PCDHA13: variants seen among roughly 807,000 people sequenced by gnomAD.
PCDHA13 encodes protocadherin alpha-13.
PCDHA13 carries 54 observed loss-of-function variants against 64.8 expected under a neutral mutation model. The observed-to-expected ratio is 0.83, with a 90% confidence interval of 0.67 to 1.04. The LOEUF is 1.04. PCDHA13 is among the 50% of genes least tolerant of loss of function. The pLI, the probability that PCDHA13 is intolerant of heterozygous loss-of-function variation, is 0.00. For synonymous variants in PCDHA13, 587 were observed against 564.4 expected, an observed-to-expected ratio of 1.04 and a Z score of -0.57; for missense variants, 1,248 against 1,254.3, an observed-to-expected ratio of 0.99 and a Z score of 0.08.
chr5:140,997,668 TTG>T (rs35184029), intron 3 of PCDHA13, among the ~76,000 whole-genome samples: 38,693 of 147,760 alleles, frequency 0.26, 5,114 homozygotes, highest in Middle Eastern at 0.39. Flanking sequence ...ATTATACAGC[TTG>T]TGTGTGTGTG....
intron 1 of PCDHA13, chr5:140,930,305 T>C (rs1554207723): frequency 6.6e-6 from 1 of 152,252 alleles, no homozygotes; most frequent in Non-Finnish European, 1.5e-5. Flanking sequence ...TAAGTAAATA[T>C]CATATTTGAG....
intron 3 of PCDHA13, among the ~76,000 whole-genome samples, chr5:140,995,046 A>C (rs193191582): frequency 1.9e-4 from 29 of 152,184 alleles, no homozygotes; most frequent in Non-Finnish European, 3.7e-4. Context: ...CCTTAACTCT[A>C]CTGAATTTTC....
At position 141,010,838 on chromosome 5, in the gene PCDHA13, T is replaced by G. The variant is rs2154002200; in HGVS notation, c.*901T>G. 1.3e-5 allele frequency: 2 copies of G among 153,860 alleles called. No homozygotes were observed. The highest frequency in any genetic ancestry group is 2.9e-5 in the Non-Finnish European group (2 of 68,042). The allele number at this position is 153,860 out of a possible 1,614,324, so 9.5% of individuals were successfully genotyped here. On this transcript the variant is annotated 3_prime_UTR_variant, in exon 4 of 4. Coordinates refer to ENST00000289272, the MANE Select transcript of PCDHA13 (RefSeq NM_018904.3). ...TTTCGCTGTTTGTTGTTTCATAGAT[T>G]TATTTAAAAAAAGAGAAAGTCTATA...
chr5:140,927,682 T>C, intron 1 of PCDHA13: 1 of 1,613,992 alleles, frequency 6.2e-7, no homozygotes, highest in Non-Finnish European at 8.5e-7. Flanking sequence ...AGATGAAGGG[T>C]CCAATGGGGA....
At chr5:141,000,609 G>A (rs2097951405) in intron 3 of PCDHA13, among the ~76,000 whole-genome samples, 1 of 150,600 alleles carries the variant, frequency 6.6e-6, no homozygotes. Context: ...TGTATTTTTA[G>A]TAGAGACAGG....
chr5:140,900,030 G>A (rs1159979332), intron 1 of PCDHA13, among the ~76,000 whole-genome samples: 1 of 152,086 alleles, frequency 6.6e-6, no homozygotes, highest in Admixed American at 6.6e-5. Context: ...GTTTGGCCTT[G>A]AATTCCTGGG....
At chr5:140,922,735 G>A (rs1370700616) in intron 1 of PCDHA13, among the ~76,000 whole-genome samples, 2 of 152,078 alleles carry the variant, frequency 1.3e-5, no homozygotes, top group Admixed American at 1.3e-4. Flanking sequence ...ACAAGGTTGA[G>A]AAAAATAAAT....
intron 3 of PCDHA13, among the ~76,000 whole-genome samples, chr5:140,997,872 C>G (rs1053678533): frequency 6.6e-6 from 1 of 152,094 alleles, no homozygotes; most frequent in African/African-American, 2.4e-5. Context: ...TGCATGCTTG[C>G]TAGTATTTAT....
chr5:140,941,647 C>T (rs1435033243), intron 1 of PCDHA13, among the ~76,000 whole-genome samples: 2 of 152,002 alleles, frequency 1.3e-5, no homozygotes, highest in South Asian at 2.1e-4. Flanking sequence ...CTTCCTACAA[C>T]TTATGTCCAA....
chr5:140,941,202 C>CCTTTTCTTCCTTTCTTT (rs2092814043), intron 1 of PCDHA13, among the ~76,000 whole-genome samples: 1 of 122,742 alleles, frequency 8.1e-6, no homozygotes, highest in Non-Finnish European at 1.8e-5. Flanking sequence ...TTTCTTTCTT[C>CCTTTTCTTCCTTTCTTT]CTTTCTTTCT....
intron 3 of PCDHA13, among the ~76,000 whole-genome samples, chr5:140,985,006 C>T (rs892412151): frequency 1.3e-5 from 2 of 151,922 alleles, no homozygotes; most frequent in South Asian, 2.1e-4. Context: ...GGCACGATAT[C>T]GGCTCACAGC....
chr5:141,009,239 G>T (rs1416549332), intron 3 of PCDHA13, among the ~76,000 whole-genome samples: 2 of 152,186 alleles, frequency 1.3e-5, no homozygotes, highest in Admixed American at 1.3e-4. Context: ...AGGATCTCTT[G>T]AGCTTCAGTG....
chr5:140,902,290 A>G (rs1252691615), intron 1 of PCDHA13, among the ~76,000 whole-genome samples: 1 of 146,394 alleles, frequency 6.8e-6, no homozygotes, highest in Non-Finnish European at 1.5e-5. Context: ...CTCCTGCCTC[A>G]GCCTCCCAAA....
Position 141,009,839 on chromosome 5 carries a change from A to G in PCDHA13, c.2755A>G (p.Lys919Glu), listed in dbSNP as rs2098414795. 6.2e-7 allele frequency: 1 copy of G among 1,614,164 alleles called. No individual in the cohort carries two copies. Residue 919 changes from lysine (K) to glutamate (E), a missense_variant, in exon 4 of 4, where the codon AAG becomes GAG. Coordinates refer to ENST00000289272, the MANE Select transcript of PCDHA13 (RefSeq NM_018904.3). The part of the protein sequence containing the change: ...DKSDFITFGK[K>E]EETKKKKKKK... ...AAGTGACTTCATAACCTTCGGCAAA[A>G]AGGAGGAGACCAAGAAAAAGAAGAA...
intron 1 of PCDHA13, among the ~76,000 whole-genome samples, chr5:140,971,045 T>C (rs2096453995): frequency 6.6e-6 from 1 of 152,090 alleles, no homozygotes; most frequent in East Asian, 1.9e-4. Context: ...CGTAAAAGGG[T>C]TTAGCTTTAA....
chr5:141,006,290 C>G (rs1465211339), intron 3 of PCDHA13, among the ~76,000 whole-genome samples: 5 of 152,050 alleles, frequency 3.3e-5, no homozygotes, highest in Non-Finnish European at 5.9e-5. Flanking sequence ...CAGCTCACTG[C>G]AAGCTCCACT....
intron 1 of PCDHA13, among the ~76,000 whole-genome samples, chr5:140,909,916 C>T (rs1554194012): frequency 6.6e-6 from 1 of 152,138 alleles, no homozygotes; most frequent in African/African-American, 2.4e-5. Context: ...CAATCATTTC[C>T]CTTTCCCCAA....
chr5:140,928,597 A>G (rs1554206042), intron 1 of PCDHA13: 1 of 1,614,226 alleles, frequency 6.2e-7, no homozygotes, highest in East Asian at 2.2e-5. Context: ...CCCAGTGGAA[A>G]TTGTGCCCCG....
chr5:140,912,145 C>T (rs561351882), intron 1 of PCDHA13, among the ~76,000 whole-genome samples: 1 of 152,302 alleles, frequency 6.6e-6, no homozygotes, highest in African/African-American at 2.4e-5. Flanking sequence ...CCATGTTCTT[C>T]TGCCTGTTTT....
Sources: gnomAD v4.1 joint callset for allele counts (sites outside exome capture counted in the v4.1 genomes callset) on GRCh38, gnomAD v4.1.1 for gene constraint, MANE v1.5 for transcripts, NCBI Gene and HGNC (gene_info 2026-07-23, HGNC 2026-07-21) for gene names.